Variants in ASIC4 observed in about 807,000 individuals in gnomAD.
ASIC4 encodes acid-sensing ion channel 4.
A neutral mutation model predicts 53.4 loss-of-function variants in ASIC4; 28 were observed. That is an observed-to-expected ratio of 0.52 (90% CI 0.39 to 0.72). The LOEUF is 0.72. Ranked by LOEUF, ASIC4 falls within the 30% of genes least tolerant of loss-of-function variation. The pLI, the probability that ASIC4 is intolerant of heterozygous loss-of-function variation, is 0.00. For missense variants in ASIC4, 649 were observed against 729.7 expected, an observed-to-expected ratio of 0.89 and a Z score of 1.27; for synonymous variants, 289 against 301.4, an observed-to-expected ratio of 0.96 and a Z score of 0.43.
intron 4 of ASIC4, 91 bp from the exon 5 acceptor site, chr2:219,532,792 G>T: frequency 8.4e-7 from 1 of 1,193,634 alleles, no homozygotes; most frequent in South Asian, 1.4e-5. Context: ...GTGTGCATAT[G>T]TGTGTGCATG....
At chr2:219,525,801 G>A (rs1363469823) in intron 1 of ASIC4, among the ~76,000 whole-genome samples, 1 of 152,186 alleles carries the variant, frequency 6.6e-6, no homozygotes, top group Non-Finnish European at 1.5e-5. Context: ...GCCCTCTCTG[G>A]ACCTAGGGGC....
chr2:219,513,589 C>A (rs1694729566), upstream of ASIC4, among the ~76,000 whole-genome samples: 1 of 152,224 alleles, frequency 6.6e-6, no homozygotes, highest in African/African-American at 2.4e-5. Flanking sequence ...CATGCCCTGT[C>A]CCCCTACATA....
upstream of ASIC4, among the ~76,000 whole-genome samples, chr2:219,512,440 G>A (rs1039556909): frequency 6.6e-6 from 1 of 151,906 alleles, no homozygotes; most frequent in African/African-American, 2.4e-5. Flanking sequence ...CCAGACTAAA[G>A]TAACCTTAAA....
upstream of ASIC4, chr2:219,514,428 G>T (rs1267013796): frequency 6.5e-7 from 1 of 1,549,088 alleles, no homozygotes; most frequent in African/African-American, 1.4e-5. Flanking sequence ...AGGGACACAC[G>T]CAGGGGCTGA....
chr2:219,537,866 C>G lies in ASIC4; in HGVS notation c.1507-67C>G. 3 of 1,484,540 alleles carry G rather than the reference C, an allele frequency of 2.0e-6. No individual in the cohort carries two copies. The highest frequency in any genetic ancestry group is 2.8e-6 in the Non-Finnish European group (3 of 1,085,108). 92.0% of individuals were successfully genotyped at this position (1,484,540 alleles called of 1,614,324 possible). A position where few individuals can be genotyped will look rare whatever the true frequency, so the allele number is the denominator to read the frequency against. On this transcript the variant is annotated intron_variant, in intron 9 of 9. Transcript: ENST00000358078. This position sits in a 1 kb window ranked among gnomAD's most constrained non-coding sequence, Gnocchi z 4.9. ...GCCCGAGGTGACAAGGAAAGGCTGGCGGTGTGAGCCCTGGGGGCACCACTT... is the reference window on the plus strand; with the variant it reads ...GCCCGAGGTGACAAGGAAAGGCTGGGGGTGTGAGCCCTGGGGGCACCACTT...
chr2:219,512,703 G>A (rs140042983), upstream of ASIC4, among the ~76,000 whole-genome samples: 103 of 152,334 alleles, frequency 6.8e-4, 3 homozygotes, highest in East Asian at 0.019. Context: ...TCCCTTCTGG[G>A]ACACTATGTC....
upstream of ASIC4, among the ~76,000 whole-genome samples, chr2:219,512,458 T>TA (rs1694714415): frequency 6.6e-6 from 1 of 151,382 alleles, no homozygotes. Flanking sequence ...AAAAAGCAAT[T>TA]AAATCACCTT....
At position 219,536,177 on chromosome 2, in the gene ASIC4, C is replaced by A. The variant is rs1468250545; in HGVS notation, c.1229+853C>A. Among the ~76,000 whole-genome samples, 2 of 152,194 alleles carry A rather than the reference C, an allele frequency of 1.3e-5. No homozygotes were observed. Among genetic ancestry groups the A allele is most frequent in the African/African-American group, 4.8e-5 (2 of 41,442 alleles). On this transcript the variant is annotated intron_variant, in intron 6 of 9. Transcript: ENST00000358078. The surrounding 1 kb of genome is among the most constrained non-coding windows in gnomAD (Gnocchi z 4.6). ...GTCCAAACACCTTTCATCTGAGTTC[C>A]CAGCACCCGTACAGATCTCTGTCAT...
intron 1 of ASIC4, among the ~76,000 whole-genome samples, chr2:219,519,769 G>C (rs967385313): frequency 6.6e-6 from 1 of 152,196 alleles, no homozygotes; most frequent in Non-Finnish European, 1.5e-5. Flanking sequence ...GTAGGGCAGG[G>C]CTGGGATTAC....
chr2:219,512,304 T>C (rs1694712274), upstream of ASIC4, among the ~76,000 whole-genome samples: 1 of 152,140 alleles, frequency 6.6e-6, no homozygotes. Context: ...CAGTATGTTG[T>C]CGGGGAAGTG....
chr2:219,530,626 C>T (rs987496229), intron 1 of ASIC4, among the ~76,000 whole-genome samples: 3 of 152,158 alleles, frequency 2.0e-5, no homozygotes, highest in Non-Finnish European at 2.9e-5. Flanking sequence ...TGAATGTGGC[C>T]GTGTGATGTA....
Position 219,537,859 on chromosome 2 carries a change from A to AGG in ASIC4, c.1507-73_1507-72dup. 6.7e-7 allele frequency: 1 copy of AGG among 1,494,842 alleles called. No individual in the cohort carries two copies. Among genetic ancestry groups the AGG allele is most frequent in the Non-Finnish European group, 9.1e-7 (1 of 1,093,632 alleles). The allele number at this position is 1,494,842 out of a possible 1,614,324, so 92.6% of individuals were successfully genotyped here. ...AGCCTCTGCCCGAGGTGACAAGGAA[A>AGG]GGCTGGCGGTGTGAGCCCTGGGGGC... is the stretch of plus-strand genomic sequence containing the variant. On this transcript the variant is annotated intron_variant, in intron 9 of 9. Coordinates refer to ENST00000358078, the MANE Select transcript of ASIC4 (RefSeq NM_018674.6). This position sits in a 1 kb window ranked among gnomAD's most constrained non-coding sequence, Gnocchi z 4.9.
In ASIC4 at chr2:219,514,645, C is replaced by T. The variant is rs746275662; in HGVS notation, c.-80C>T. ...GAAGAGCAGCCGCTGCCACCACTGC[C>T]ACTCGGGAGGGCACCAGGGCTGCTG... is the stretch of plus-strand genomic sequence containing the variant. On this transcript the variant is annotated 5_prime_UTR_variant, in exon 1 of 10. Transcript: ENST00000358078. 37 of 1,612,648 alleles carry T rather than the reference C, an allele frequency of 2.3e-5. No individual in the cohort carries two copies. Among genetic ancestry groups the T allele is most frequent in the Admixed American group, 1.2e-4 (7 of 59,864 alleles).
chr2:219,510,764 G>A (rs141523578), upstream of ASIC4, among the ~76,000 whole-genome samples: 1 of 152,122 alleles, frequency 6.6e-6, no homozygotes. This position sits in a 1 kb window ranked among gnomAD's most constrained non-coding sequence, Gnocchi z 5.2. Context: ...AAGGAGTACT[G>A]GCGGACAGTG....
intron 6 of ASIC4, 84 bp downstream of exon 6, chr2:219,535,408 CGT>C (rs1695118210): frequency 5.0e-6 from 7 of 1,401,592 alleles, no homozygotes; most frequent in African/African-American, 4.5e-5. Context: ...TCTGTGTGTA[CGT>C]GTGTGTGAGT....
chr2:219,530,783 G>C (rs1695030223), intron 1 of ASIC4, among the ~76,000 whole-genome samples: 1 of 152,228 alleles, frequency 6.6e-6, no homozygotes, highest in East Asian at 1.9e-4. Flanking sequence ...AGACATGTGG[G>C]GGAGGTGGTG....
intron 1 of ASIC4, among the ~76,000 whole-genome samples, chr2:219,527,103 A>T (rs1372253407): frequency 6.6e-6 from 1 of 152,126 alleles, no homozygotes; most frequent in Non-Finnish European, 1.5e-5. Context: ...AACCTGTGGG[A>T]CCTTGTGGCA....
In ASIC4 at chr2:219,532,952, T is replaced by C. The variant is rs1359963979; in HGVS notation, c.1075+13T>C. On this transcript the variant is annotated intron_variant, in intron 5 of 9. Coordinates refer to ENST00000358078, the MANE Select transcript of ASIC4 (RefSeq NM_018674.6). ...GACCACACACTGGGTCCGTGCTGCC[T>C]ACCCTTTCCTACCTCTCCATCAGCC... 2 of 1,612,190 alleles carry C rather than the reference T, an allele frequency of 1.2e-6. No individual in the cohort carries two copies. The highest frequency in any genetic ancestry group is 1.7e-6 in the Non-Finnish European group (2 of 1,178,302).
chr2:219,530,297 C>G (rs1309282870), intron 1 of ASIC4, among the ~76,000 whole-genome samples: 1 of 152,282 alleles, frequency 6.6e-6, no homozygotes, highest in Non-Finnish European at 1.5e-5. Flanking sequence ...CTCCTGGTGG[C>G]AGCTAAATCC....
Sources: allele counts gnomAD v4.1 joint callset (sites outside exome capture counted in the v4.1 genomes callset), GRCh38; gene constraint gnomAD v4.1.1; non-coding constraint Gnocchi (gnomAD v3.1); transcripts MANE v1.5; gene names NCBI Gene and HGNC (gene_info 2026-07-23, HGNC 2026-07-21).